The following ITGA9 variants were observed in gnomAD, a reference collection of about 807,000 sequenced individuals.
ITGA9 encodes integrin alpha-9.
ITGA9 carries 56 observed loss-of-function variants against 127.8 expected under a neutral mutation model. The ratio of observed to expected loss-of-function variants is 0.44; its 90% CI spans 0.35 to 0.55. The LOEUF (loss-of-function observed/expected upper bound fraction) is 0.55, where lower values mean the gene tolerates loss of function less well. Ranked by LOEUF, ITGA9 falls within the 20% of genes least tolerant of loss-of-function variation. The pLI, the probability that ITGA9 is intolerant of heterozygous loss-of-function variation, is 0.00. For synonymous variants in ITGA9, 508 were observed against 514.5 expected, an observed-to-expected ratio of 0.99 and a Z score of 0.17; for missense variants, 1,196 against 1,347.1, an observed-to-expected ratio of 0.89 and a Z score of 1.76.
At chr3:37,568,522 C>T (rs1403699207) in intron 15 of ITGA9, among the ~76,000 whole-genome samples, 2 of 152,208 alleles carry the variant, frequency 1.3e-5, no homozygotes, top group Non-Finnish European at 2.9e-5. Context: ...TGTCAGGCCA[C>T]AAATTTTCCA....
chr3:37,492,119 C>G (rs1286746330), intron 4 of ITGA9, among the ~76,000 whole-genome samples: 1 of 152,206 alleles, frequency 6.6e-6, no homozygotes, highest in Non-Finnish European at 1.5e-5. Flanking sequence ...GGATTCTACT[C>G]TACCTTGAAG....
chr3:37,511,964 CTTTCTTTTCT>C lies in ITGA9; in HGVS notation c.898-1741_898-1732del, dbSNP rs530231188. Among the ~76,000 whole-genome samples, 758 of 87,868 alleles carry C rather than the reference CTTTCTTTTCT, an allele frequency of 8.6e-3. 21 individuals carry two copies. The highest frequency in any genetic ancestry group is 0.012 in the African/African-American group (264 of 21,738). 57.6% of individuals were successfully genotyped at this position (87,868 alleles called of 152,430 possible). ...ATTTTAAAAGAATAATGCTTTTTCTCTTTCTTTTCTTTTCTTTTCTTTTCTTTTCTTTTCT... is the reference window on the plus strand; with the variant it reads ...ATTTTAAAAGAATAATGCTTTTTCTCTTTCTTTTCTTTTCTTTTCTTTTCT... On this transcript the variant is annotated intron_variant, in intron 8 of 27. Coordinates refer to ENST00000264741, the MANE Select transcript of ITGA9 (RefSeq NM_002207.3).
chr3:37,555,389 A>C (rs1699421136), intron 15 of ITGA9, among the ~76,000 whole-genome samples: 1 of 152,244 alleles, frequency 6.6e-6, no homozygotes. Flanking sequence ...ACCACATATG[A>C]CTGTGAGCAC....
chr3:37,546,506 C>T (rs946150836), intron 15 of ITGA9, among the ~76,000 whole-genome samples: 1 of 152,242 alleles, frequency 6.6e-6, no homozygotes, highest in Admixed American at 6.5e-5. Flanking sequence ...CCCATCCTGC[C>T]TGCTGAAGGC....
At chr3:37,783,117 C>A (rs1696997600) in intron 25 of ITGA9, among the ~76,000 whole-genome samples, 1 of 151,110 alleles carries the variant, frequency 6.6e-6, no homozygotes, top group South Asian at 2.1e-4. Context: ...CCAGCCTGGG[C>A]AACAGAGCGA....
chr3:37,612,052 A>C (rs1700022185), intron 15 of ITGA9, among the ~76,000 whole-genome samples: 1 of 152,026 alleles, frequency 6.6e-6, no homozygotes, highest in South Asian at 2.1e-4. Context: ...AATGTAATGG[A>C]TGATATATTT....
rs377503082 is a variant in ITGA9 at position 37,708,708 on chromosome 3, C to T, written c.2068-24004C>T. Among the ~76,000 whole-genome samples the T allele has an allele frequency of 3.4e-5, 5 of 148,190 alleles. No homozygotes were observed. The South Asian group carries it at 1.1e-3, about 32-fold the overall frequency. ...AAGAATTATCCAGCCCCAATGCCAA[C>T]AGCATTGAGGCTGAGAAACCCTGGA... On this transcript the variant is annotated intron_variant, in intron 18 of 27. Coordinates refer to ENST00000264741, the MANE Select transcript of ITGA9 (RefSeq NM_002207.3).
chr3:37,494,687 G>A (rs1366156421), intron 5 of ITGA9, 119 bp downstream of exon 5: 1 of 826,946 alleles, frequency 1.2e-6, no homozygotes, highest in Non-Finnish European at 2.1e-6. Context: ...GAGCCTCGAG[G>A]GAGCAGATTC....
At chr3:37,468,697 G>C (rs1479112876) in intron 1 of ITGA9, among the ~76,000 whole-genome samples, 2 of 152,174 alleles carry the variant, frequency 1.3e-5, no homozygotes, top group Non-Finnish European at 2.9e-5. Flanking sequence ...ACATCCCCAG[G>C]AAAGCTGTCC....
chr3:37,571,639 A>G (rs1699603367), intron 15 of ITGA9, among the ~76,000 whole-genome samples: 1 of 152,118 alleles, frequency 6.6e-6, no homozygotes, highest in African/African-American at 2.4e-5. Context: ...CTAGGAGTGC[A>G]TTTCAAAGCA....
At chr3:37,735,336 C>A (rs1025057625) in intron 19 of ITGA9, among the ~76,000 whole-genome samples, 25 of 152,164 alleles carry the variant, frequency 1.6e-4, no homozygotes, top group African/African-American at 5.8e-4. Context: ...CTGCCCCCCA[C>A]CCCACAGTAA....
At chr3:37,810,595 T>C (rs1466121907) in intron 27 of ITGA9, among the ~76,000 whole-genome samples, 13 of 152,002 alleles carry the variant, frequency 8.6e-5, no homozygotes, top group Admixed American at 8.5e-4. Flanking sequence ...TTTGTATTTT[T>C]AGTAGAGACA....
At chr3:37,712,881 G>T (rs577978417) in intron 18 of ITGA9, among the ~76,000 whole-genome samples, 18 of 152,280 alleles carry the variant, frequency 1.2e-4, no homozygotes, top group African/African-American at 4.1e-4. Flanking sequence ...ATGGATGTGG[G>T]TGGCAAGAAA....
At chr3:37,604,665 T>A (rs1699951153) in intron 15 of ITGA9, among the ~76,000 whole-genome samples, 1 of 152,238 alleles carries the variant, frequency 6.6e-6, no homozygotes, top group Admixed American at 6.5e-5. Flanking sequence ...GTCCCTTCTC[T>A]TTTCTTTACT....
chr3:37,732,549 G>T (rs2125528476), intron 18 of ITGA9, among the ~76,000 whole-genome samples, 163 bp from the exon 19 acceptor site: 1 of 152,266 alleles, frequency 6.6e-6, no homozygotes, highest in East Asian at 1.9e-4. Context: ...ATGAAAAAGT[G>T]GGCAGCTGGA....
rs113661934 is a variant in ITGA9 at position 37,823,467 on chromosome 3, C to CA, written c.*4483dup. 6.6e-6 allele frequency: 1 copy of CA among 152,250 alleles called. No homozygotes were observed. Among genetic ancestry groups the CA allele is most frequent in the African/African-American group, 2.4e-5 (1 of 41,560 alleles). The allele number at this position is 152,250 out of a possible 1,614,324, so 9.4% of individuals were successfully genotyped here. A position where few individuals can be genotyped will look rare whatever the true frequency, so the allele number is the denominator to read the frequency against. On this transcript the variant is annotated 3_prime_UTR_variant, in exon 28 of 28. Coordinates refer to ENST00000264741, the MANE Select transcript of ITGA9 (RefSeq NM_002207.3). ...CACTGTTTGGGAAATGTCAGGTTTA[C>CA]AAAAACATACATGTTTGGAATAAAA...
intron 26 of ITGA9, among the ~76,000 whole-genome samples, chr3:37,786,869 C>T (rs561581597): frequency 1.3e-5 from 2 of 152,326 alleles, no homozygotes; most frequent in East Asian, 3.9e-4. Context: ...TTGTTTGAGA[C>T]AGGGTCTTGC....
intron 17 of ITGA9, among the ~76,000 whole-genome samples, chr3:37,676,033 C>T (rs1206240912): frequency 6.6e-6 from 1 of 152,160 alleles, no homozygotes; most frequent in East Asian, 1.9e-4. Context: ...TGAGTCATCA[C>T]GCCCGGCCCA....
chr3:37,595,107 G>GTT (rs201603327), intron 15 of ITGA9, among the ~76,000 whole-genome samples: 1 of 150,332 alleles, frequency 6.7e-6, no homozygotes, highest in South Asian at 2.1e-4. Context: ...TTTTGTTTTT[G>GTT]TTTTTTTTTG....
Sources: allele counts gnomAD v4.1 joint callset (sites outside exome capture counted in the v4.1 genomes callset), GRCh38; gene constraint gnomAD v4.1.1; transcripts MANE v1.5; gene names NCBI Gene and HGNC (gene_info 2026-07-23, HGNC 2026-07-21).